Variants in GSTCD observed in about 807,000 individuals in gnomAD.
The protein encoded by GSTCD is glutathione S-transferase C-terminal domain containing.
Under a neutral mutation model 68.3 loss-of-function variants are expected in GSTCD, and 44 were observed. The observed-to-expected ratio is 0.64, with a 90% CI of 0.51 to 0.83. The LOEUF (loss-of-function observed/expected upper bound fraction) is 0.83, where lower values mean the gene tolerates loss of function less well. Ranked by LOEUF, GSTCD falls within the 40% of genes least tolerant of loss-of-function variation. The pLI is 0.00. For missense variants in GSTCD, 739 were observed against 735.9 expected (o/e 1.00, Z -0.05); for synonymous variants, 273 against 255.2 (o/e 1.07, Z -0.67).
At chr4:105,785,087 TCAAA>T (rs1735415452) in intron 5 of GSTCD, among the ~76,000 whole-genome samples, 1 of 152,196 alleles carries the variant, frequency 6.6e-6, no homozygotes, top group Non-Finnish European at 1.5e-5. Flanking sequence ...TGTAATCAGA[TCAAA>T]CAGATACTCA....
rs560255275 is a variant in GSTCD at position 105,740,393 on chromosome 4, C to T, written c.1240+10894C>T. Among the ~76,000 whole-genome samples the T allele has an allele frequency of 6.8e-4, 103 of 152,070 alleles. No homozygotes were observed. In the South Asian group the frequency reaches 0.015, roughly 23 times the overall value. ...CATCTGATCCCTGCTGGGGAATGGG[C>T]GGGTGGAGACCAGGTGTTTCCTTCA... On this transcript the variant is annotated intron_variant, in intron 5 of 11. Coordinates refer to ENST00000515279, the MANE Select transcript of GSTCD (RefSeq NM_001370181.1).
chr4:105,724,488 T>C (rs1732968218), intron 3 of GSTCD, among the ~76,000 whole-genome samples: 1 of 151,896 alleles, frequency 6.6e-6, no homozygotes, highest in African/African-American at 2.4e-5. Context: ...TACTATTTTC[T>C]TTAGTAAAAT....
intron 5 of GSTCD, among the ~76,000 whole-genome samples, chr4:105,760,310 T>A (rs1452317893): frequency 6.6e-6 from 1 of 152,162 alleles, no homozygotes; most frequent in East Asian, 1.9e-4. Context: ...GTTTTTCTAT[T>A]TGGAAGCCTG....
At chr4:105,819,109 C>G (rs575516335) in intron 5 of GSTCD, among the ~76,000 whole-genome samples, 1 of 151,852 alleles carries the variant, frequency 6.6e-6, no homozygotes, top group South Asian at 2.1e-4. Flanking sequence ...TTCGGTAAGA[C>G]ACAGAGAGGC....
chr4:105,723,045 AT>A (rs1732920210), intron 3 of GSTCD, among the ~76,000 whole-genome samples: 1 of 151,948 alleles, frequency 6.6e-6, no homozygotes, highest in Admixed American at 6.6e-5. Flanking sequence ...GTAAACATGA[AT>A]TATTGTTATT....
chr4:105,822,879 G>C (rs1444587832), intron 5 of GSTCD, 75 bp from the exon 6 acceptor site: 21 of 986,192 alleles, frequency 2.1e-5, no homozygotes, highest in African/African-American at 3.2e-5. Context: ...TATGCTGGTA[G>C]TCTATTTTAA....
chr4:105,755,607 G>A (rs117627220), intron 5 of GSTCD, among the ~76,000 whole-genome samples: 1 of 152,026 alleles, frequency 6.6e-6, no homozygotes, highest in South Asian at 2.1e-4. Flanking sequence ...CACATGTTAA[G>A]GGTTCAGTTC....
chr4:105,822,629 C>A (rs1723359308), intron 5 of GSTCD, among the ~76,000 whole-genome samples: 1 of 151,932 alleles, frequency 6.6e-6, no homozygotes, highest in Non-Finnish European at 1.5e-5. Flanking sequence ...GGTTTATGAC[C>A]CTAAACTTAG....
At chr4:105,809,065 A>G (rs1212201044) in intron 5 of GSTCD, among the ~76,000 whole-genome samples, 2 of 152,168 alleles carry the variant, frequency 1.3e-5, no homozygotes, top group Non-Finnish European at 2.9e-5. Flanking sequence ...TTATTGACTT[A>G]ATAAGGACAG....
At chr4:105,782,748 A>G (rs1406854171) in intron 5 of GSTCD, among the ~76,000 whole-genome samples, 1 of 152,020 alleles carries the variant, frequency 6.6e-6, no homozygotes, top group Admixed American at 6.6e-5. Flanking sequence ...ATGCCCAGCT[A>G]ATTTTTGTAT....
chr4:105,834,225 A>C (rs1208980065), intron 8 of GSTCD, among the ~76,000 whole-genome samples: 3 of 152,150 alleles, frequency 2.0e-5, no homozygotes, highest in Admixed American at 6.5e-5. Context: ...TTAGATAAAC[A>C]CTTGTGTTAA....
chr4:105,800,443 T>G (rs1485063951), intron 5 of GSTCD, among the ~76,000 whole-genome samples: 2 of 152,146 alleles, frequency 1.3e-5, no homozygotes, highest in African/African-American at 2.4e-5. Flanking sequence ...ATCAATACCA[T>G]TTAGGCAGTT....
At chr4:105,764,227 A>G (rs1225187941) in intron 5 of GSTCD, among the ~76,000 whole-genome samples, 2 of 152,332 alleles carry the variant, frequency 1.3e-5, no homozygotes, top group South Asian at 2.1e-4. Flanking sequence ...AAAAATATTT[A>G]TCAGAAATTA....
intron 5 of GSTCD, among the ~76,000 whole-genome samples, chr4:105,750,460 CAAAAAAAAAAAAA>C (rs1024094979): frequency 2.0e-5 from 1 of 51,278 alleles, no homozygotes; most frequent in Non-Finnish European, 4.4e-5. Flanking sequence ...AACTCCGTCT[CAAAAAAAAAAAAA>C]AAAAAAGAAA....
intron 5 of GSTCD, among the ~76,000 whole-genome samples, chr4:105,795,560 A>C (rs1394872821): frequency 6.6e-6 from 1 of 152,036 alleles, no homozygotes; most frequent in Non-Finnish European, 1.5e-5. Flanking sequence ...ACCTGTGTGC[A>C]TGTGTGTATC....
At chr4:105,737,950 C>T (rs1200048188) in intron 5 of GSTCD, among the ~76,000 whole-genome samples, 1 of 152,134 alleles carries the variant, frequency 6.6e-6, no homozygotes, top group Non-Finnish European at 1.5e-5. Flanking sequence ...TCTTAGTTCC[C>T]ATGAGAACCA....
At chr4:105,829,180 C>A (rs1723792400) in intron 8 of GSTCD, among the ~76,000 whole-genome samples, 1 of 143,218 alleles carries the variant, frequency 7.0e-6, no homozygotes. Flanking sequence ...GATACTACAG[C>A]TATAATTAAA....
At chr4:105,826,893 TA>T (rs1367955077) in intron 8 of GSTCD, among the ~76,000 whole-genome samples, 1 of 152,176 alleles carries the variant, frequency 6.6e-6, no homozygotes, top group Non-Finnish European at 1.5e-5. Flanking sequence ...AGACCTTTTA[TA>T]GTATTTCTGA....
intron 5 of GSTCD, chr4:105,807,414 ACT>A (rs1478101626): frequency 6.6e-6 from 1 of 151,674 alleles, no homozygotes; most frequent in African/African-American, 2.4e-5. Context: ...TAGCGCTCTC[ACT>A]CTCTTTGAAT....
Sources: gnomAD v4.1 joint callset for allele counts (sites outside exome capture counted in the v4.1 genomes callset) on GRCh38, gnomAD v4.1.1 for gene constraint, MANE v1.5 for transcripts, NCBI Gene and HGNC (gene_info 2026-07-23, HGNC 2026-07-21) for gene names.